The following TBL1XR1 variants were observed in gnomAD, a reference collection of about 807,000 sequenced individuals.
TBL1XR1 encodes the protein F-box-like/WD repeat-containing protein TBL1XR1.
A neutral mutation model predicts 66.9 loss-of-function variants in TBL1XR1; 5 were observed. That is an observed-to-expected ratio of 0.07 (90% CI 0.04 to 0.16). The LOEUF is 0.16. Among genes scored for constraint, TBL1XR1 ranks in the 10% least tolerant of loss-of-function variants. TBL1XR1 has a pLI of 1.00. For synonymous variants in TBL1XR1, 210 were observed against 206.0 expected (o/e 1.02, Z -0.17); for missense variants, 238 against 623.2 (o/e 0.38, Z 6.58).
At chr3:177,165,770 T>C (rs924447646) in intron 1 of TBL1XR1, among the ~76,000 whole-genome samples, 2 of 152,116 alleles carry the variant, frequency 1.3e-5, no homozygotes, top group African/African-American at 4.8e-5. Context: ...CAGTCTAGAC[T>C]CAGCCCTCAC....
chr3:177,135,315 G>C lies in TBL1XR1; in HGVS notation c.-121-36774C>G, dbSNP rs1316527350. ...CCGCACAAGGCCGCACTCTGTGTGT[G>C]TGTGTGTGTGTGTGTGTGTATACAT... On this transcript the variant is annotated intron_variant, in intron 1 of 15. Transcript: ENST00000457928. Among the ~76,000 whole-genome samples the C allele has an allele frequency of 2.3e-4, 22 of 95,776 alleles. 1 individual carries two copies. The highest frequency in any genetic ancestry group is 7.1e-4 in the South Asian group (2 of 2,810). The allele number at this position is 95,776 out of a possible 152,430, so 62.8% of individuals were successfully genotyped here. A position where few individuals can be genotyped will look rare whatever the true frequency, so the allele number is the denominator to read the frequency against.
chr3:177,199,005 T>G (rs1243622234), upstream of TBL1XR1, among the ~76,000 whole-genome samples: 1 of 152,074 alleles, frequency 6.6e-6, no homozygotes. Flanking sequence ...CTTTCCCCCC[T>G]GAGCCCTTGC....
rs1387851636 is a variant in TBL1XR1, at chr3:177,021,633, C to T, written c.*3865G>A. ...AGTAATTCATAACTTCCCTACCCTC[C>T]TTCCATCCCTGCTGATTCAGGAGAA... On this transcript the variant is annotated 3_prime_UTR_variant, in exon 16 of 16. Coordinates refer to ENST00000457928, the MANE Select transcript of TBL1XR1 (RefSeq NM_024665.7). The T allele has an allele frequency of 1.3e-5, 2 of 152,548 alleles. No homozygotes were observed. The highest frequency in any genetic ancestry group is 4.8e-5 in the African/African-American group (2 of 41,440). The allele number at this position is 152,548 out of a possible 1,614,324, so 9.4% of individuals were successfully genotyped here. A position where few individuals can be genotyped will look rare whatever the true frequency, so the allele number is the denominator to read the frequency against.
intron 2 of TBL1XR1, among the ~76,000 whole-genome samples, chr3:177,084,418 G>GTT (rs1471097811): frequency 1.3e-5 from 2 of 152,224 alleles, no homozygotes; most frequent in Non-Finnish European, 2.9e-5. Context: ...ATGATGGCTT[G>GTT]TTTTGTGAAG....
At chr3:177,027,322 G>C (rs1487144352) in intron 14 of TBL1XR1, 1 of 152,146 alleles carries the variant, frequency 6.6e-6, no homozygotes, top group East Asian at 1.9e-4. Flanking sequence ...ATTCTTGAAA[G>C]ACGTTATATG....
At chr3:177,103,037 G>T (rs376722933) in intron 1 of TBL1XR1, among the ~76,000 whole-genome samples, 10 of 152,170 alleles carry the variant, frequency 6.6e-5, no homozygotes, top group Admixed American at 2.0e-4. Context: ...CTGATAAAAT[G>T]TTAGTGTCTA....
chr3:177,162,229 G>A (rs147626381), intron 1 of TBL1XR1, among the ~76,000 whole-genome samples: 1 of 152,196 alleles, frequency 6.6e-6, no homozygotes, highest in Non-Finnish European at 1.5e-5. Flanking sequence ...TTATGCGTGT[G>A]TATCAATGAA....
chr3:177,096,046 G>T (rs989748351), intron 2 of TBL1XR1, among the ~76,000 whole-genome samples: 14 of 152,090 alleles, frequency 9.2e-5, no homozygotes, highest in Non-Finnish European at 1.8e-4. Flanking sequence ...AAACACTGTT[G>T]AGGGTAGGTA....
intron 1 of TBL1XR1, among the ~76,000 whole-genome samples, chr3:177,098,916 G>A (rs1723840233): frequency 6.6e-6 from 1 of 151,830 alleles, no homozygotes; most frequent in Non-Finnish European, 1.5e-5. Context: ...ATTCTATATT[G>A]TTTAATAATA....
chr3:177,063,884 C>T (rs1718823388), intron 3 of TBL1XR1, among the ~76,000 whole-genome samples: 1 of 152,126 alleles, frequency 6.6e-6, no homozygotes, highest in Non-Finnish European at 1.5e-5. Context: ...AAAACCCCTA[C>T]CCCCAAAAAA....
chr3:177,039,728 C>A (rs1190008827), intron 10 of TBL1XR1, among the ~76,000 whole-genome samples: 1 of 152,108 alleles, frequency 6.6e-6, no homozygotes. Flanking sequence ...CAGGGGTTGA[C>A]AAACTATGGC....
intron 1 of TBL1XR1, among the ~76,000 whole-genome samples, chr3:177,149,749 A>G (rs1730669369): frequency 6.6e-6 from 1 of 152,178 alleles, no homozygotes; most frequent in Admixed American, 6.5e-5. Context: ...CGACTGTGAA[A>G]ATCATACAAA....
At chr3:177,066,547 G>GCA (rs1489973260) in intron 2 of TBL1XR1, among the ~76,000 whole-genome samples, 3 of 152,172 alleles carry the variant, frequency 2.0e-5, no homozygotes, top group Non-Finnish European at 4.4e-5. Flanking sequence ...CTTCAAGGCA[G>GCA]CACTAAGAGA....
At chr3:177,193,943 T>G (rs551477946) in intron 1 of TBL1XR1, 8 of 152,320 alleles carry the variant, frequency 5.3e-5, no homozygotes, top group African/African-American at 1.9e-4. Flanking sequence ...ATCTACCTCA[T>G]AGGATTAGCC....
intron 10 of TBL1XR1, among the ~76,000 whole-genome samples, chr3:177,040,148 T>C (rs1001339861): frequency 6.6e-6 from 1 of 152,076 alleles, no homozygotes. Flanking sequence ...TGGGACCTCA[T>C]TTCTAAAAAA....
At chr3:177,043,476 CTG>C (rs1271549090) in intron 10 of TBL1XR1, among the ~76,000 whole-genome samples, 4 of 152,122 alleles carry the variant, frequency 2.6e-5, no homozygotes, top group African/African-American at 9.7e-5. Context: ...GCCATTTCAG[CTG>C]TCTCTTGCTG....
chr3:177,144,613 G>A (rs1560224783), intron 1 of TBL1XR1, among the ~76,000 whole-genome samples: 3 of 152,042 alleles, frequency 2.0e-5, no homozygotes, highest in Non-Finnish European at 2.9e-5. Flanking sequence ...AATTGGCTGG[G>A]TGTGGTAGCG....
At chr3:177,081,642 G>C (rs968668290) in intron 2 of TBL1XR1, among the ~76,000 whole-genome samples, 1 of 151,756 alleles carries the variant, frequency 6.6e-6, no homozygotes, top group East Asian at 1.9e-4. Flanking sequence ...GGAGGGTGGG[G>C]TGGGAGGACC....
At chr3:177,132,281 C>T (rs1017395731) in intron 1 of TBL1XR1, among the ~76,000 whole-genome samples, 2 of 152,144 alleles carry the variant, frequency 1.3e-5, no homozygotes, top group African/African-American at 2.4e-5. Flanking sequence ...GTGTTCTCTG[C>T]GCACATCAGT....
Sources: gnomAD v4.1 joint callset for allele counts (sites outside exome capture counted in the v4.1 genomes callset) on GRCh38, gnomAD v4.1.1 for gene constraint, MANE v1.5 for transcripts, NCBI Gene and HGNC (gene_info 2026-07-23, HGNC 2026-07-21) for gene names.